Variants in HIF1A observed in about 807,000 individuals in gnomAD.
HIF1A encodes the protein hypoxia inducible factor 1 subunit alpha, also known as hypoxia-inducible factor 1-alpha.
HIF1A carries 24 observed loss-of-function variants against 92.7 expected under a neutral mutation model. The observed-to-expected ratio is 0.26, with a 90% confidence interval of 0.19 to 0.36. The LOEUF (loss-of-function observed/expected upper bound fraction) is 0.36, where lower values mean the gene tolerates loss of function less well. HIF1A is among the 10% of genes least tolerant of loss of function. The pLI is 1.00. For synonymous variants in HIF1A, 319 were observed against 338.7 expected, an observed-to-expected ratio of 0.94 and a Z score of 0.64; for missense variants, 799 against 998.5, an observed-to-expected ratio of 0.80 and a Z score of 2.69.
chr14:61,727,804 T>C (rs749557271), intron 6 of HIF1A, 149 bp downstream of exon 6: 6 of 636,066 alleles, frequency 9.4e-6, no homozygotes, highest in Non-Finnish European at 1.7e-5. Flanking sequence ...AAGCGGGGGG[T>C]GGATCATCTG....
intron 1 of HIF1A, among the ~76,000 whole-genome samples, chr14:61,716,070 T>C (rs1367333757): frequency 1.3e-5 from 2 of 152,136 alleles, no homozygotes; most frequent in Non-Finnish European, 2.9e-5. Context: ...TTTCTTTGCA[T>C]TTTTCTTGGG....
At chr14:61,738,056 C>T (rs770013880) in intron 9 of HIF1A, 31 bp from the exon 10 acceptor site, 29 of 1,515,462 alleles carry the variant, frequency 1.9e-5, no homozygotes, top group South Asian at 5.1e-5. Context: ...TCCTTCTATA[C>T]TTTAGATTGA....
At chr14:61,726,869 A>T (rs1449535186) in intron 5 of HIF1A, 51 bp downstream of exon 5, 1 of 1,002,654 alleles carries the variant, frequency 1.0e-6, no homozygotes. Flanking sequence ...ATACATAGAC[A>T]TTGTAGTATT....
chr14:61,722,186 C>T (rs540306853), intron 4 of HIF1A, among the ~76,000 whole-genome samples: 97 of 151,656 alleles, frequency 6.4e-4, no homozygotes, highest in Middle Eastern at 3.4e-3. Flanking sequence ...GGGACTCAAG[C>T]GATCCTCCCA....
At chr14:61,740,317 G>A (rs1347830440) in intron 10 of HIF1A, 188 bp from the exon 11 acceptor site, 2 of 418,748 alleles carry the variant, frequency 4.8e-6, no homozygotes, top group Admixed American at 8.1e-5. Flanking sequence ...CCTCCACCTT[G>A]GCTTCCCAAA....
chr14:61,734,360 G>T, intron 8 of HIF1A, 75 bp downstream of exon 8: 1 of 982,202 alleles, frequency 1.0e-6, no homozygotes, highest in Non-Finnish European at 1.5e-6. Context: ...TCATTTATAG[G>T]AAGATAAGAT....
In HIF1A at chr14:61,747,148, T is replaced by TTA; in HGVS notation, c.*67_*68dup. Reference sequence around the variant, plus strand: ...TGGCTCATTACCTAAAGCAGTCTATTTATATTTTCTACATCTAATTTTAGA... The same window carrying TTA: ...TGGCTCATTACCTAAAGCAGTCTATTTATATATTTTCTACATCTAATTTTAGA... On this transcript the variant is annotated 3_prime_UTR_variant, in exon 15 of 15. Coordinates refer to ENST00000337138, the MANE Select transcript of HIF1A (RefSeq NM_001530.4). The TTA allele has an allele frequency of 7.1e-7, 1 of 1,399,178 alleles. No individual in the cohort carries two copies. 86.7% of individuals were successfully genotyped at this position (1,399,178 alleles called of 1,614,324 possible).
chr14:61,696,473 C>CTT (rs2044117887), intron 1 of HIF1A, among the ~76,000 whole-genome samples: 1 of 152,204 alleles, frequency 6.6e-6, no homozygotes, highest in Non-Finnish European at 1.5e-5. Flanking sequence ...AAGATGCGAA[C>CTT]TTTTTAGTTT....
rs1206869348 is a variant in HIF1A, at chr14:61,738,201, C to A, written c.1364C>A (p.Thr455Asn). The change falls in exon 10 of 15, where the codon ACC becomes AAC. Residue 455 changes from threonine to asparagine, a missense_variant. Transcript: ENST00000337138. The stretch of plus-strand genomic sequence containing the variant: ...AATTTGGCAATGTCTCCATTACCCA[C>A]CGCTGAAACGCCAAAGCCACTTCGA... ...NINLAMSPLP[T>N]AETPKPLRSS... 1 of 1,614,016 alleles carries A rather than the reference C, an allele frequency of 6.2e-7. No homozygotes were observed. Among genetic ancestry groups the A allele is most frequent in the East Asian group, 2.2e-5 (1 of 44,898 alleles).
At chr14:61,707,225 C>T (rs979519302) in intron 1 of HIF1A, among the ~76,000 whole-genome samples, 1 of 152,192 alleles carries the variant, frequency 6.6e-6, no homozygotes, top group Non-Finnish European at 1.5e-5. Flanking sequence ...GCATTACTAA[C>T]TTGTTAGAAA....
chr14:61,742,235 A>C (rs1001617928), intron 12 of HIF1A, among the ~76,000 whole-genome samples: 3 of 152,228 alleles, frequency 2.0e-5, no homozygotes, highest in African/African-American at 7.2e-5. Flanking sequence ...AGCTAGAAGA[A>C]ATTAAGTTTT....
chr14:61,720,573 G>GT lies in HIF1A; in HGVS notation c.226+2dup. ...CGTGTGAGGAAACTTCTGGATGCTG[G>GT]TGAGTTATTTTACAAGGGTATAAAT... On this transcript the variant is annotated splice_donor_variant, in intron 2 of 14. Coordinates refer to ENST00000337138, the MANE Select transcript of HIF1A (RefSeq NM_001530.4). LOFTEE classifies it high-confidence loss of function. 1 of 1,587,462 alleles carries GT rather than the reference G, an allele frequency of 6.3e-7. No homozygotes were observed. The highest frequency in any genetic ancestry group is 8.6e-7 in the Non-Finnish European group (1 of 1,166,888).
intron 1 of HIF1A, among the ~76,000 whole-genome samples, chr14:61,713,036 A>G (rs1379376846): frequency 5.3e-5 from 8 of 152,138 alleles, no homozygotes; most frequent in Admixed American, 5.2e-4. Flanking sequence ...ACCAAGCCAC[A>G]TATTGGGAAT....
intron 6 of HIF1A, among the ~76,000 whole-genome samples, chr14:61,728,323 C>G (rs2044533445): frequency 6.6e-6 from 1 of 152,192 alleles, no homozygotes. Flanking sequence ...ATCTCTTCAT[C>G]CTACATATTT....
Position 61,721,593 on chromosome 14 carries a change from C to T in HIF1A, c.311C>T (p.Thr104Ile). The T allele has an allele frequency of 6.2e-7, 1 of 1,612,992 alleles. No individual in the cohort carries two copies. The highest frequency in any genetic ancestry group is 8.5e-7 in the Non-Finnish European group (1 of 1,179,134). The change falls in exon 3 of 15, where the codon ACA becomes ATA. Residue 104 changes from threonine to isoleucine, a missense_variant. By Grantham distance (89) the Thr-to-Ile change is moderately conservative. This residue lies in a region of HIF1A where 516 missense variants were observed against 721.0 expected (regional missense o/e 0.72). Coordinates refer to ENST00000337138, the MANE Select transcript of HIF1A (RefSeq NM_001530.4). ...KALDGFVMVL[T>I]DDGDMIYISD... ...TTGGATGGTTTTGTTATGGTTCTCA[C>T]AGATGATGGTGACATGATTTACATT...
rs908659648 is a variant in HIF1A at position 61,697,848 on chromosome 14, T to C, written c.35+2009T>C. On this transcript the variant is annotated intron_variant, in intron 1 of 14. Coordinates refer to ENST00000337138, the MANE Select transcript of HIF1A (RefSeq NM_001530.4). ...CTTCAAGCAATTTTTTTTTTCATTTTAAATGAGCTCCCAATGTCGGAGTTT... is the reference window on the plus strand; with the variant it reads ...CTTCAAGCAATTTTTTTTTTCATTTCAAATGAGCTCCCAATGTCGGAGTTT... 2.6e-5 allele frequency: 40 copies of C among 1,509,790 alleles called. No homozygotes were observed. In the African/African-American group the frequency reaches 5.2e-4, roughly 20 times the overall value. 93.5% of individuals were successfully genotyped at this position (1,509,790 alleles called of 1,614,324 possible). A position where few individuals can be genotyped will look rare whatever the true frequency, so the allele number is the denominator to read the frequency against.
At chr14:61,706,324 A>C (rs535891697) in intron 1 of HIF1A, among the ~76,000 whole-genome samples, 1 of 152,312 alleles carries the variant, frequency 6.6e-6, no homozygotes, top group South Asian at 2.1e-4. Flanking sequence ...GAGAACTGGA[A>C]AAAAATTCAG....
At chr14:61,742,133 C>G (rs189408650) in intron 12 of HIF1A, among the ~76,000 whole-genome samples, 1 of 152,252 alleles carries the variant, frequency 6.6e-6, no homozygotes, top group East Asian at 1.9e-4. Flanking sequence ...GGAGCTAGTT[C>G]AAACAAACAT....
intron 1 of HIF1A, among the ~76,000 whole-genome samples, chr14:61,699,336 C>T (rs773550512): frequency 1.2e-4 from 18 of 152,162 alleles, no homozygotes; most frequent in Non-Finnish European, 2.2e-4. Flanking sequence ...TTACTTTTAA[C>T]GCCATTGTCT....
Sources: gnomAD v4.1 joint callset for allele counts (sites outside exome capture counted in the v4.1 genomes callset) on GRCh38, gnomAD v4.1.1 for gene constraint, gnomAD v4.1.1 regional missense constraint, MANE v1.5 for transcripts, NCBI Gene and HGNC (gene_info 2026-07-23, HGNC 2026-07-21) for gene names.